Variants in TENM2 observed in about 807,000 individuals in gnomAD.
TENM2 encodes the protein teneurin-2.
Under a neutral mutation model 245.2 loss-of-function variants are expected in TENM2, and 52 were observed. The ratio of observed to expected loss-of-function variants is 0.21; its 90% CI spans 0.17 to 0.27. The LOEUF (loss-of-function observed/expected upper bound fraction) is 0.27. Among genes scored for constraint, TENM2 ranks in the 10% least tolerant of loss-of-function variants. TENM2 has a pLI of 1.00. For missense variants in TENM2, 3,046 were observed against 3,666.8 expected (o/e 0.83, Z 4.37); for synonymous variants, 1,363 against 1,438.9 (o/e 0.95, Z 1.19).
At chr5:167,579,123 TG>T (rs1264812848) in intron 2 of TENM2, among the ~76,000 whole-genome samples, 2 of 152,212 alleles carry the variant, frequency 1.3e-5, no homozygotes, top group Non-Finnish European at 2.9e-5. Context: ...CTATCAGAGA[TG>T]GGGTGCTGCC....
At chr5:166,997,769 G>C in the TENM2 span, among the ~76,000 whole-genome samples, 3 of 152,170 alleles carry the variant, frequency 2.0e-5, no homozygotes, top group African/African-American at 7.2e-5. Context: ...ATCATCCATT[G>C]AGTCATTGAT....
At chr5:167,486,330 T>C (rs1283754806) in intron 2 of TENM2, among the ~76,000 whole-genome samples, 1 of 151,170 alleles carries the variant, frequency 6.6e-6, no homozygotes, top group South Asian at 2.1e-4. Flanking sequence ...TCTTTTCTTT[T>C]TTTTTTTTTT....
In TENM2 at chr5:168,218,349, G is replaced by T. The variant is rs369050024; in HGVS notation, c.4458G>T (p.Gly1486=). Residue 1486 remains glycine, a synonymous_variant, in exon 23 of 29, where the codon GGG becomes GGT. Transcript: ENST00000518659. This position sits in a 1 kb window ranked among gnomAD's most constrained non-coding sequence, Gnocchi z 5.2. ...GTGCCATTGCCATTTCTCACACTGG[G>T]GTCCTCTACATCACTGAGACAGATG... 2 of 1,613,878 alleles carry T rather than the reference G, an allele frequency of 1.2e-6. No individual in the cohort carries two copies. The highest frequency in any genetic ancestry group is 1.7e-6 in the Non-Finnish European group (2 of 1,179,904).
chr5:168,098,082 G>T lies in TENM2; in HGVS notation c.1768G>T (p.Val590Leu), dbSNP rs370631553. Residue 590 changes from valine (V) to leucine (L), a missense_variant, in exon 9 of 29, where the codon GTG becomes TTG. This residue lies in a region of TENM2 where 2,704 missense variants were observed against 3,331.9 expected (regional missense o/e 0.81). Transcript: ENST00000518659. ...TGGGAATGGTGAATGTGTGTCCGGG[G>T]TGTGTCACTGTTTCCCAGGATTTCT... 49 of 1,613,750 alleles carry T rather than the reference G, an allele frequency of 3.0e-5. No homozygotes were observed. In the African/African-American group the frequency reaches 6.3e-4, roughly 21 times the overall value.
chr5:167,204,126 G>C, the TENM2 span, among the ~76,000 whole-genome samples: 2 of 151,198 alleles, frequency 1.3e-5, no homozygotes, highest in Non-Finnish European at 2.9e-5. Flanking sequence ...GTAAGTATTT[G>C]CTGCTGTTAG....
At chr5:167,650,969 C>T (rs1041817210) in intron 2 of TENM2, among the ~76,000 whole-genome samples, 8 of 152,046 alleles carry the variant, frequency 5.3e-5, no homozygotes, top group East Asian at 1.9e-4. Flanking sequence ...ACATATGTCT[C>T]GGATCATGTT....
intron 2 of TENM2, among the ~76,000 whole-genome samples, chr5:167,628,931 A>G (rs2336898): frequency 0.55 from 82,894 of 152,056 alleles, 25,332 homozygotes; most frequent in Middle Eastern, 0.71. Context: ...GCAACCACCT[A>G]AAAGAAGCTT....
chr5:167,787,441 C>T (rs1457520940), intron 2 of TENM2, among the ~76,000 whole-genome samples: 1 of 152,180 alleles, frequency 6.6e-6, no homozygotes, highest in Non-Finnish European at 1.5e-5. Flanking sequence ...ACCGGGGCTT[C>T]CTTCTACTCA....
intron 13 of TENM2, chr5:168,184,998 G>A (rs1461140327): frequency 6.6e-6 from 1 of 152,198 alleles, no homozygotes; most frequent in African/African-American, 2.4e-5. Flanking sequence ...TACAATGCCA[G>A]GAATAAATTC....
At chr5:167,028,710 C>T in the TENM2 span, among the ~76,000 whole-genome samples, 7 of 151,832 alleles carry the variant, frequency 4.6e-5, no homozygotes, top group African/African-American at 1.5e-4. Flanking sequence ...AATATATACA[C>T]ATTTATGTAC....
At chr5:167,699,866 C>T (rs2150435321) in intron 2 of TENM2, among the ~76,000 whole-genome samples, 1 of 152,276 alleles carries the variant, frequency 6.6e-6, no homozygotes, top group Non-Finnish European at 1.5e-5. Flanking sequence ...GTATTAGTTT[C>T]CCTAATATGC....
At chr5:167,920,665 A>G (rs1777302648) in intron 3 of TENM2, among the ~76,000 whole-genome samples, 2 of 152,182 alleles carry the variant, frequency 1.3e-5, no homozygotes, top group South Asian at 4.1e-4. Flanking sequence ...CTCGCAGCAA[A>G]TTATAAACTC....
chr5:167,806,259 T>G (rs1318968765), intron 2 of TENM2, among the ~76,000 whole-genome samples: 1 of 152,162 alleles, frequency 6.6e-6, no homozygotes, highest in East Asian at 1.9e-4. Flanking sequence ...ACAAGCATTT[T>G]TCAATCTCCT....
intron 1 of TENM2, chr5:167,306,553 C>T (rs770009839): frequency 4.0e-5 from 6 of 151,480 alleles, no homozygotes; most frequent in Admixed American, 6.6e-5. Flanking sequence ...CCTGGTTGTA[C>T]GGAACATCAC....
intron 2 of TENM2, among the ~76,000 whole-genome samples, chr5:167,671,666 G>A (rs918525393): frequency 6.6e-6 from 1 of 151,506 alleles, no homozygotes; most frequent in Admixed American, 6.6e-5. Flanking sequence ...TTATCACCAT[G>A]TCATGTTAAT....
chr5:167,802,316 T>A (rs949429924), intron 2 of TENM2, among the ~76,000 whole-genome samples: 4 of 152,110 alleles, frequency 2.6e-5, no homozygotes, highest in African/African-American at 9.7e-5. Flanking sequence ...GGAGTGTGGA[T>A]AAAAACTAAT....
chr5:167,014,563 C>G, the TENM2 span, among the ~76,000 whole-genome samples: 1 of 152,128 alleles, frequency 6.6e-6, no homozygotes, highest in Admixed American at 6.5e-5. Flanking sequence ...AGATAAGAAA[C>G]AGATAGGGGT....
chr5:167,725,427 T>A (rs368038156), intron 2 of TENM2, among the ~76,000 whole-genome samples: 100 of 152,324 alleles, frequency 6.6e-4, no homozygotes, highest in African/African-American at 2.4e-3. Flanking sequence ...TTTTCATCAA[T>A]CTGGCATATT....
At chr5:167,696,252 G>A (rs942694366) in intron 2 of TENM2, among the ~76,000 whole-genome samples, 2 of 151,996 alleles carry the variant, frequency 1.3e-5, no homozygotes, top group African/African-American at 2.4e-5. Flanking sequence ...GAAAAAAGTA[G>A]CTTATTATTT....
Sources: allele counts gnomAD v4.1 joint callset (sites outside exome capture counted in the v4.1 genomes callset), GRCh38; gene constraint gnomAD v4.1.1; regional missense constraint gnomAD v4.1.1; non-coding constraint Gnocchi (gnomAD v3.1); transcripts MANE v1.5; gene names NCBI Gene and HGNC (gene_info 2026-07-23, HGNC 2026-07-21).